The following ABCA4 variants were observed in gnomAD, a reference collection of about 807,000 sequenced individuals.
ABCA4 encodes the protein ATP binding cassette subfamily A member 4, also known as retinal-specific phospholipid-transporting ATPase ABCA4.
Under a neutral mutation model 263.7 loss-of-function variants are expected in ABCA4, and 196 were observed. That is an observed-to-expected ratio of 0.74 (90% CI 0.66 to 0.84). The LOEUF (loss-of-function observed/expected upper bound fraction) is 0.84, where lower values mean the gene tolerates loss of function less well. ABCA4 is among the 40% of genes least tolerant of loss of function. The pLI is 0.00. For missense variants in ABCA4, 2,792 were observed against 2,855.1 expected (o/e 0.98, Z 0.50); for synonymous variants, 1,133 against 1,094.2 (o/e 1.04, Z -0.70).
Position 94,008,309 on chromosome 1 carries a change from G to A in ABCA4, c.5836-12C>T, listed in dbSNP as rs892377497. ...GTGCCTGGATAAATCTGCAAGATAC[G>A]AAGAAACCGGACTGAGAACTGAGAC... is the stretch of plus-strand genomic sequence containing the variant. On this transcript the variant is annotated splice_polypyrimidine_tract_variant and intron_variant, in intron 41 of 49. Transcript: ENST00000370225. 1.2e-5 allele frequency: 19 copies of A among 1,613,382 alleles called. No individual in the cohort carries two copies. The highest frequency in any genetic ancestry group is 4.0e-5 in the African/African-American group (3 of 75,032).
intron 6 of ABCA4, among the ~76,000 whole-genome samples, chr1:94,090,368 A>T (rs577819181): frequency 6.6e-6 from 1 of 152,262 alleles, no homozygotes; most frequent in East Asian, 1.9e-4. Context: ...AAAAAAAAAA[A>T]AAAACTTCAA....
chr1:94,016,812 A>AG lies in ABCA4; in HGVS notation c.5197-959_5197-958insC, dbSNP rs1557766609. Among the ~76,000 whole-genome samples the AG allele has an allele frequency of 8.5e-5, 13 of 152,300 alleles. No homozygotes were observed. In the East Asian group the frequency reaches 2.5e-3, roughly 29 times the overall value. ...GACCAATGGTGCTCCAGAGGCAATGAACATATCTAGCACTCAGACCTTGGC... is the reference window on the plus strand; with the variant it reads ...GACCAATGGTGCTCCAGAGGCAATGAGACATATCTAGCACTCAGACCTTGGC... On this transcript the variant is annotated intron_variant, in intron 36 of 49. Coordinates refer to ENST00000370225, the MANE Select transcript of ABCA4 (RefSeq NM_000350.3).
intron 15 of ABCA4, among the ~76,000 whole-genome samples, chr1:94,055,994 G>GA (rs1260666695): frequency 6.6e-6 from 1 of 152,210 alleles, no homozygotes; most frequent in Non-Finnish European, 1.5e-5. Context: ...AACAATTAGA[G>GA]AAAAGACAGT....
chr1:94,091,492 C>T (rs911692307), intron 6 of ABCA4, among the ~76,000 whole-genome samples: 1 of 151,516 alleles, frequency 6.6e-6, no homozygotes, highest in African/African-American at 2.4e-5. Flanking sequence ...TGTCAAAGAA[C>T]CGGAAGAGAC....
At chr1:94,024,116 C>G (rs1032887087) in intron 31 of ABCA4, among the ~76,000 whole-genome samples, 3 of 152,176 alleles carry the variant, frequency 2.0e-5, no homozygotes, top group African/African-American at 7.2e-5. Context: ...TCACCATTTG[C>G]AGTGTGTTCT....
At chr1:94,048,396 G>T (rs3789400) in intron 18 of ABCA4, among the ~76,000 whole-genome samples, 1 of 152,348 alleles carries the variant, frequency 6.6e-6, no homozygotes, top group East Asian at 1.9e-4. Context: ...GTCAGGAAAG[G>T]CTTCTGATGG....
intron 20 of ABCA4, 65 bp from the exon 21 acceptor site, chr1:94,043,540 C>A (rs1371650273): frequency 3.7e-6 from 6 of 1,600,820 alleles, no homozygotes. Flanking sequence ...GCTGATCTTA[C>A]AGAAATAATT....
Position 94,019,657 on chromosome 1 carries a change from G to T in ABCA4, c.5121C>A (p.Asn1707Lys), listed in dbSNP as rs886046562. 3.7e-6 allele frequency: 6 copies of T among 1,613,310 alleles called. No individual in the cohort carries two copies. The highest frequency in any genetic ancestry group is 5.1e-6 in the Non-Finnish European group (6 of 1,179,676). Residue 1707 changes from asparagine (N) to lysine (K), a missense_variant, in exon 36 of 50, where the codon AAC (asparagine) becomes AAA (lysine). Coordinates refer to ENST00000370225, the MANE Select transcript of ABCA4 (RefSeq NM_000350.3). ...FVLYLIQERV[N>K]KSKHLQFISG... ...TGATAAACTGGAGGTGCTTGGATTT[G>T]TTCACCCGCTCCTGGATCAAATAAA...
At position 94,002,095 on chromosome 1, in the gene ABCA4, A is replaced by G. The variant is rs923607624; in HGVS notation, c.6148-103T>C. ...CCCAGATCTCACGCCTCCAGAATGA[A>G]ATCCCCAGCTAGGCTGAAACAGGCT... On this transcript the variant is annotated intron_variant, in intron 44 of 49. Transcript: ENST00000370225. The G allele has an allele frequency of 1.6e-5, 25 of 1,560,568 alleles. No homozygotes were observed. In the South Asian group the frequency reaches 2.4e-4, roughly 15 times the overall value.
rs1659224729 is a variant in ABCA4 at position 94,002,669 on chromosome 1, A to G, written c.6148-677T>C. 1.3e-5 allele frequency among the ~76,000 whole-genome samples: 2 copies of G among 152,124 alleles called. 1 individual carries two copies. The highest frequency in any genetic ancestry group is 2.9e-5 in the Non-Finnish European group (2 of 68,020). On this transcript the variant is annotated intron_variant, in intron 44 of 49. Transcript: ENST00000370225. ...TCTATACTAGTCCCCCGTGCCTGGA[A>G]TGTTCCTCCCTAGGTGTGCACGTGG...
At chr1:94,103,271 G>A (rs991627900) in intron 4 of ABCA4, 129 bp from the exon 5 acceptor site, 30 of 1,187,118 alleles carry the variant, frequency 2.5e-5, no homozygotes, top group African/African-American at 4.5e-5. Context: ...TGGGGTCTCT[G>A]GGAGCCCCTA....
chr1:94,068,537 G>T (rs977531301), intron 11 of ABCA4, among the ~76,000 whole-genome samples: 1 of 152,202 alleles, frequency 6.6e-6, no homozygotes, highest in Non-Finnish European at 1.5e-5. Context: ...ACATAAGTAC[G>T]TTTGGGAGAC....
At chr1:94,002,321 G>A (rs1487797379) in intron 44 of ABCA4, among the ~76,000 whole-genome samples, 1 of 152,234 alleles carries the variant, frequency 6.6e-6, no homozygotes, top group Non-Finnish European at 1.5e-5. Context: ...GGAGGAGGAA[G>A]GCTCTGTTTG....
rs185749659 is a variant in ABCA4, at chr1:94,041,744, T to G, written c.3329-342A>C. The stretch of plus-strand genomic sequence containing the variant: ...TTTCTGGATCATTAAGCTCTGGATT[T>G]ATACTCTTCATAAAGAACACACACG... On this transcript the variant is annotated intron_variant, in intron 22 of 49. Transcript: ENST00000370225. Among the ~76,000 whole-genome samples the G allele has an allele frequency of 1.9e-3, 285 of 152,296 alleles. 3 individuals carry two copies. The highest frequency in any genetic ancestry group is 6.7e-3 in the African/African-American group (280 of 41,562).
At chr1:94,110,099 G>T (rs562258225) in intron 3 of ABCA4, among the ~76,000 whole-genome samples, 2 of 152,338 alleles carry the variant, frequency 1.3e-5, no homozygotes, top group East Asian at 3.9e-4. Flanking sequence ...ATGGGCAGGT[G>T]TTTCTTAAGC....
chr1:94,021,736 A>T, intron 33 of ABCA4, 22 bp from the exon 34 acceptor site: 1 of 1,611,672 alleles, frequency 6.2e-7, no homozygotes, highest in Non-Finnish European at 8.5e-7. Context: ...GTAAACAAAC[A>T]AACAAGACGG....
intron 6 of ABCA4, among the ~76,000 whole-genome samples, chr1:94,091,579 T>TCACACA (rs35529737): frequency 3.0e-4 from 43 of 143,754 alleles, no homozygotes; most frequent in South Asian, 9.5e-4. Context: ...AAACATCATC[T>TCACACA]CACACACACA....
rs1659674895 is a variant in ABCA4, at chr1:94,014,696, T to C, written c.5313-6A>G. 3 of 1,614,162 alleles carry C rather than the reference T, an allele frequency of 1.9e-6. No homozygotes were observed. Among genetic ancestry groups the C allele is most frequent in the African/African-American group, 2.7e-5 (2 of 75,038 alleles). ...TCATGGGAATGACCGCCCATCTGTG[T>C]GAAATGAGACAACTCAGAGTGATGG... On this transcript the variant is annotated splice_polypyrimidine_tract_variant and splice_region_variant and intron_variant, in intron 37 of 49. Coordinates refer to ENST00000370225, the MANE Select transcript of ABCA4 (RefSeq NM_000350.3).
At position 94,047,099 on chromosome 1, in the gene ABCA4, A is replaced by AG; in HGVS notation, c.2744-7dup. ...CTCACGTTCAAAGAAGGAGTCTTGGAGGAAAAAAAATGAACATGATGTAAA... is the reference window on the plus strand; with the variant it reads ...CTCACGTTCAAAGAAGGAGTCTTGGAGGGAAAAAAAATGAACATGATGTAAA... On this transcript the variant is annotated splice_polypyrimidine_tract_variant and splice_region_variant and intron_variant, in intron 18 of 49. Coordinates refer to ENST00000370225, the MANE Select transcript of ABCA4 (RefSeq NM_000350.3). 6.2e-7 allele frequency: 1 copy of AG among 1,614,078 alleles called. No individual in the cohort carries two copies. The highest frequency in any genetic ancestry group is 2.2e-5 in the East Asian group (1 of 44,880).
Sources: allele counts gnomAD v4.1 joint callset (sites outside exome capture counted in the v4.1 genomes callset), GRCh38; gene constraint gnomAD v4.1.1; transcripts MANE v1.5; gene names NCBI Gene and HGNC (gene_info 2026-07-23, HGNC 2026-07-21).